Variants in CPA6 observed in about 807,000 individuals in gnomAD.
The protein encoded by CPA6 is carboxypeptidase B.
Under a neutral mutation model 63.3 loss-of-function variants are expected in CPA6, and 58 were observed. That is an observed-to-expected ratio of 0.92 (90% CI 0.74 to 1.14). The LOEUF (loss-of-function observed/expected upper bound fraction) is 1.14, where lower values mean the gene tolerates loss of function less well. Ranked by LOEUF, CPA6 falls within the 50% of genes most tolerant of loss-of-function variation. The pLI is 0.00. For missense variants in CPA6, 565 were observed against 526.6 expected (o/e 1.07, Z -0.71); for synonymous variants, 185 against 179.0 (o/e 1.03, Z -0.27).
At position 67,746,113 on chromosome 8, in the gene CPA6, T is replaced by G. The variant is rs758819365; in HGVS notation, c.17A>C (p.Lys6Thr). The G allele has an allele frequency of 2.3e-5, 37 of 1,613,262 alleles. No homozygotes were observed. The highest frequency in any genetic ancestry group is 3.1e-5 in the Non-Finnish European group (37 of 1,179,624). MKCLG[K>T]RRGQAAAFLP... Reference sequence around the variant, plus strand: ...GAAAGCAGCTGCCTGGCCCCTGCGCTTCCCGAGACACTTCATAGTGTTAAG... The same window carrying G: ...GAAAGCAGCTGCCTGGCCCCTGCGCGTCCCGAGACACTTCATAGTGTTAAG... Residue 6 changes from lysine (K) to threonine (T), a missense_variant, in exon 1 of 11, where the codon AAG (lysine) becomes ACG (threonine). Transcript: ENST00000297770.
intron 2 of CPA6, among the ~76,000 whole-genome samples, chr8:67,544,956 G>A (rs1051600752): frequency 6.6e-6 from 1 of 152,046 alleles, no homozygotes; most frequent in Non-Finnish European, 1.5e-5. Context: ...CAAAGAGTAG[G>A]CCAAATTATT....
rs900630733 is a variant in CPA6, at chr8:67,636,020, CCATAT to C, written c.117-11774_117-11770del. ...TTCTGCTCAGATATTCACCCTATCC[CCATAT>C]CAGAACTGAGTCTCGATTAGCCACT... On this transcript the variant is annotated intron_variant, in intron 1 of 10. Transcript: ENST00000297770. Among the ~76,000 whole-genome samples the C allele has an allele frequency of 1.1e-4, 17 of 151,676 alleles. 1 individual carries two copies. The highest frequency in any genetic ancestry group is 4.1e-4 in the African/African-American group (17 of 40,984).
chr8:67,692,765 A>C (rs952106104), intron 1 of CPA6, among the ~76,000 whole-genome samples: 2 of 152,226 alleles, frequency 1.3e-5, no homozygotes, highest in African/African-American at 4.8e-5. Flanking sequence ...TTCACCATTA[A>C]ATCATAGGTC....
At chr8:67,471,892 T>C (rs1234368625) in intron 8 of CPA6, among the ~76,000 whole-genome samples, 1 of 152,162 alleles carries the variant, frequency 6.6e-6, no homozygotes, top group African/African-American at 2.4e-5. Context: ...GCAATAATGC[T>C]TATGAGATGA....
At chr8:67,612,145 C>T (rs1485757888) in intron 2 of CPA6, among the ~76,000 whole-genome samples, 2 of 151,996 alleles carry the variant, frequency 1.3e-5, no homozygotes, top group Admixed American at 6.6e-5. Context: ...CTAAGTATGG[C>T]CCTGGATATG....
At chr8:67,437,135 C>G (rs1587423356) in intron 8 of CPA6, among the ~76,000 whole-genome samples, 1 of 152,328 alleles carries the variant, frequency 6.6e-6, no homozygotes, top group East Asian at 1.9e-4. Context: ...GTGGCTTATG[C>G]TTGTAATCCC....
chr8:67,671,635 G>C (rs1045135465), intron 1 of CPA6, among the ~76,000 whole-genome samples: 6 of 152,124 alleles, frequency 3.9e-5, no homozygotes, highest in African/African-American at 1.4e-4. Context: ...TGCATAGTTT[G>C]CTTCAGAAGC....
intron 6 of CPA6, among the ~76,000 whole-genome samples, chr8:67,505,780 G>T (rs1439592942): frequency 1.3e-5 from 2 of 152,154 alleles, no homozygotes; most frequent in Non-Finnish European, 2.9e-5. Flanking sequence ...CTTGACATTT[G>T]TGAGCTGTGT....
chr8:67,580,679 G>A (rs1186683093), intron 2 of CPA6, among the ~76,000 whole-genome samples: 1 of 152,120 alleles, frequency 6.6e-6, no homozygotes, highest in Non-Finnish European at 1.5e-5. Flanking sequence ...TGTCCTTCAA[G>A]CATGAATTAA....
At chr8:67,471,239 C>T (rs1342121528) in intron 8 of CPA6, among the ~76,000 whole-genome samples, 3 of 152,134 alleles carry the variant, frequency 2.0e-5, no homozygotes, top group Non-Finnish European at 2.9e-5. Context: ...CCCTCCCAAG[C>T]GTCATCAGGG....
intron 10 of CPA6, among the ~76,000 whole-genome samples, chr8:67,426,758 C>A (rs1474232983): frequency 2.0e-5 from 3 of 152,052 alleles, no homozygotes; most frequent in Non-Finnish European, 2.9e-5. Context: ...TGTGTGTTTA[C>A]CTTCATTTGC....
At chr8:67,514,935 T>G (rs2128966247) in intron 3 of CPA6, among the ~76,000 whole-genome samples, 1 of 152,340 alleles carries the variant, frequency 6.6e-6, no homozygotes, top group South Asian at 2.1e-4. Context: ...ATAAAATACC[T>G]TTCTGTAAAA....
chr8:67,491,964 A>G (rs1811615514), intron 6 of CPA6, among the ~76,000 whole-genome samples: 1 of 152,184 alleles, frequency 6.6e-6, no homozygotes, highest in Non-Finnish European at 1.5e-5. Flanking sequence ...CAGACAGCAA[A>G]GTGTGTAGTT....
intron 8 of CPA6, among the ~76,000 whole-genome samples, chr8:67,461,061 T>G (rs1175168683): frequency 6.6e-6 from 1 of 151,640 alleles, no homozygotes; most frequent in Non-Finnish European, 1.5e-5. Context: ...TTTTTTTTTT[T>G]TTTAATTTTA....
chr8:67,441,400 A>G (rs1810292306), intron 8 of CPA6, among the ~76,000 whole-genome samples: 1 of 152,210 alleles, frequency 6.6e-6, no homozygotes, highest in Non-Finnish European at 1.5e-5. Flanking sequence ...TAGTGTAAAG[A>G]TATTCATTCT....
Position 67,534,135 on chromosome 8 carries a change from A to G in CPA6, c.193-16088T>C, listed in dbSNP as rs148253748. The stretch of plus-strand genomic sequence containing the variant: ...CTTGGAATGGAAAGCTGCCAATGAC[A>G]TCATGTGCACAGAGTGAAGGTCCTG... On this transcript the variant is annotated intron_variant, in intron 2 of 10. Transcript: ENST00000297770. 2.0e-5 allele frequency among the ~76,000 whole-genome samples: 3 copies of G among 152,358 alleles called. No individual in the cohort carries two copies. In the East Asian group the frequency reaches 5.8e-4, roughly 29 times the overall value.
chr8:67,651,317 T>C (rs1815830933), intron 1 of CPA6, among the ~76,000 whole-genome samples: 1 of 152,188 alleles, frequency 6.6e-6, no homozygotes, highest in African/African-American at 2.4e-5. Flanking sequence ...AAGTCTAGAA[T>C]AGTGAGAGAT....
intron 2 of CPA6, among the ~76,000 whole-genome samples, chr8:67,565,177 TTTTTTGTTG>T (rs1813308205): frequency 6.6e-6 from 1 of 152,072 alleles, no homozygotes; most frequent in South Asian, 2.1e-4. Context: ...TTTCTTTTTT[TTTTTTGTTG>T]TTGTTTTTTA....
At chr8:67,585,394 T>C (rs537262101) in intron 2 of CPA6, among the ~76,000 whole-genome samples, 2 of 152,306 alleles carry the variant, frequency 1.3e-5, no homozygotes, top group South Asian at 2.1e-4. Context: ...GAATACATGC[T>C]TGTTACTTTT....
Sources: gnomAD v4.1 joint callset for allele counts (sites outside exome capture counted in the v4.1 genomes callset) on GRCh38, gnomAD v4.1.1 for gene constraint, MANE v1.5 for transcripts, NCBI Gene and HGNC (gene_info 2026-07-23, HGNC 2026-07-21) for gene names.